ATXN2: variants seen among roughly 807,000 people sequenced by gnomAD.
ATXN2 encodes ataxin 2, also known as ataxin-2.
In ATXN2, 37 loss-of-function variants were observed where a neutral mutation model predicts 138.6. That is an observed-to-expected ratio of 0.27 (90% CI 0.21 to 0.35). The LOEUF (loss-of-function observed/expected upper bound fraction) is 0.35, where lower values mean the gene tolerates loss of function less well. Among genes scored for constraint, ATXN2 ranks in the 10% least tolerant of loss-of-function variants. The pLI is 1.00. For synonymous variants in ATXN2, 549 were observed against 543.7 expected (o/e 1.01, Z -0.13); for missense variants, 1,216 against 1,480.3 (o/e 0.82, Z 2.93).
chr12:111,457,450 GT>G, intron 21 of ATXN2, 91 bp from the exon 22 acceptor site: 1 of 1,413,074 alleles, frequency 7.1e-7, no homozygotes, highest in Non-Finnish European at 9.5e-7. Flanking sequence ...TTTCTTGATG[GT>G]TACAATGCAT....
intron 1 of ATXN2, among the ~76,000 whole-genome samples, chr12:111,586,576 T>C (rs1464569983): frequency 1.3e-5 from 2 of 151,812 alleles, no homozygotes; most frequent in Non-Finnish European, 2.9e-5. Flanking sequence ...TTAGTAGAGA[T>C]GGGGTTTCAC....
At chr12:111,458,643 CCATA>C (rs1282105447) in intron 21 of ATXN2, among the ~76,000 whole-genome samples, 2 of 152,150 alleles carry the variant, frequency 1.3e-5, no homozygotes, top group Non-Finnish European at 2.9e-5. Flanking sequence ...GATAATAAGC[CCATA>C]CACAGAAATG....
At chr12:111,475,487 C>CTTTTTT (rs538338911) in intron 18 of ATXN2, among the ~76,000 whole-genome samples, 2 of 118,630 alleles carry the variant, frequency 1.7e-5, no homozygotes, top group Admixed American at 8.7e-5. Context: ...TTTTCTGTTT[C>CTTTTTT]TTTTTTTTTT....
chr12:111,496,936 T>G (rs1365409721), intron 14 of ATXN2, among the ~76,000 whole-genome samples: 1 of 151,806 alleles, frequency 6.6e-6, no homozygotes, highest in Non-Finnish European at 1.5e-5. Flanking sequence ...AGTAAATTGT[T>G]TTGAAGAGAT....
At chr12:111,461,773 A>T (rs1875601165) in intron 21 of ATXN2, among the ~76,000 whole-genome samples, 1 of 151,990 alleles carries the variant, frequency 6.6e-6, no homozygotes, top group Admixed American at 6.6e-5. Context: ...TACAAAAAAA[A>T]TTAGCTGGGT....
At chr12:111,585,491 C>A (rs1884273526) in intron 1 of ATXN2, among the ~76,000 whole-genome samples, 1 of 138,130 alleles carries the variant, frequency 7.2e-6, no homozygotes, top group Admixed American at 7.5e-5. Context: ...CCAGCCTGGG[C>A]AACAGAACAA....
rs184829337 is a variant in ATXN2, at chr12:111,459,876, C to G, written c.2897-2517G>C. 1.7e-4 allele frequency among the ~76,000 whole-genome samples: 25 copies of G among 151,408 alleles called. 1 individual carries two copies. The highest frequency in any genetic ancestry group is 5.3e-4 in the African/African-American group (22 of 41,212). On this transcript the variant is annotated intron_variant, in intron 21 of 24. Coordinates refer to ENST00000673436, the MANE Select transcript of ATXN2 (RefSeq NM_001372574.1). ...TCAGCCTCTGAGTAGCTGGGATTAC[C>G]TGGCTAATTTTTGTATTTTTAGTAG... is the stretch of plus-strand genomic sequence containing the variant.
chr12:111,582,739 G>A (rs949027554), intron 1 of ATXN2, among the ~76,000 whole-genome samples: 20 of 152,234 alleles, frequency 1.3e-4, no homozygotes, highest in Middle Eastern at 6.8e-3. Context: ...CACCATCTCC[G>A]CTCACTGCAA....
chr12:111,525,159 G>C (rs1335287424), intron 6 of ATXN2, 33 bp downstream of exon 6: 3 of 1,593,206 alleles, frequency 1.9e-6, no homozygotes, highest in Non-Finnish European at 2.6e-6. Flanking sequence ...ATACTGACCA[G>C]AGTCTAGCAA....
rs2135861598 is a variant in ATXN2 at position 111,598,366 on chromosome 12, G to A, written c.251+418C>T. ...ACATGTTCCGGAAAACGCCACCACA[G>A]CCTCCAGACCCCTCCAACGTTCACA... is the stretch of plus-strand genomic sequence containing the variant. On this transcript the variant is annotated intron_variant, in intron 1 of 24. Coordinates refer to ENST00000673436, the MANE Select transcript of ATXN2 (RefSeq NM_001372574.1). The surrounding 1 kb of genome is among the most constrained non-coding windows in gnomAD (Gnocchi z 4.5). 1 of 990,934 alleles carries A rather than the reference G, an allele frequency of 1.0e-6. No individual in the cohort carries two copies. The highest frequency in any genetic ancestry group is 1.2e-6 in the Non-Finnish European group (1 of 833,128). 61.4% of individuals were successfully genotyped at this position (990,934 alleles called of 1,614,324 possible).
chr12:111,493,645 G>A (rs1000758498), intron 14 of ATXN2, among the ~76,000 whole-genome samples: 2 of 129,760 alleles, frequency 1.5e-5, no homozygotes, highest in Admixed American at 1.6e-4. Context: ...TTTTTTTTTT[G>A]TGAGACAGAG....
At chr12:111,526,693 C>A (rs1320666318) in intron 5 of ATXN2, among the ~76,000 whole-genome samples, 2 of 152,206 alleles carry the variant, frequency 1.3e-5, no homozygotes, top group Non-Finnish European at 2.9e-5. Flanking sequence ...GTGTGAGCAA[C>A]CATGCCCGGC....
rs1874713316 is a variant in ATXN2, at chr12:111,452,379, G to T, written c.*433C>A. 6.5e-6 allele frequency: 1 copy of T among 153,162 alleles called. No individual in the cohort carries two copies. Among genetic ancestry groups the T allele is most frequent in the Admixed American group, 6.6e-5 (1 of 15,162 alleles). 9.5% of individuals were successfully genotyped at this position (153,162 alleles called of 1,614,324 possible). A position where few individuals can be genotyped will look rare whatever the true frequency, so the allele number is the denominator to read the frequency against. On this transcript the variant is annotated 3_prime_UTR_variant, in exon 25 of 25. Transcript: ENST00000673436. ...TAATAATCCGTCAGTTTGACGGTAAGAATTTACTGAAACTTTGTCAAGTTT... is the reference window on the plus strand; with the variant it reads ...TAATAATCCGTCAGTTTGACGGTAATAATTTACTGAAACTTTGTCAAGTTT...
At chr12:111,495,150 A>G (rs1307680786) in intron 14 of ATXN2, among the ~76,000 whole-genome samples, 1 of 152,114 alleles carries the variant, frequency 6.6e-6, no homozygotes, top group Admixed American at 6.6e-5. Context: ...TACTGAAAAT[A>G]CAAAAAATTT....
At chr12:111,513,283 G>C in intron 11 of ATXN2, 74 bp downstream of exon 11, 1 of 1,510,754 alleles carries the variant, frequency 6.6e-7, no homozygotes, top group Non-Finnish European at 9.0e-7. Flanking sequence ...CTCAAACAGA[G>C]TTGTAGCTCA....
chr12:111,455,656 T>C, intron 23 of ATXN2: 1 of 333,652 alleles, frequency 3.0e-6, no homozygotes, highest in South Asian at 3.0e-5. Flanking sequence ...AAGGCCATCA[T>C]CCCTGCCTGG....
chr12:111,595,340 T>C (rs1009855239), intron 1 of ATXN2, among the ~76,000 whole-genome samples: 1 of 152,194 alleles, frequency 6.6e-6, no homozygotes, highest in Admixed American at 6.5e-5. Context: ...AACAATAGAA[T>C]GGTTAAGTAA....
chr12:111,513,018 G>A (rs1055271290), intron 11 of ATXN2: 4 of 248,970 alleles, frequency 1.6e-5, no homozygotes, highest in Non-Finnish European at 3.1e-5. Flanking sequence ...CCTCATATTA[G>A]AGAGGTACTT....
At position 111,531,416 on chromosome 12, in the gene ATXN2, G is replaced by A. The variant is rs544849655; in HGVS notation, c.572-6100C>T. Among the ~76,000 whole-genome samples the A allele has an allele frequency of 1.4e-3, 213 of 152,262 alleles. 1 individual carries two copies. Among genetic ancestry groups the A allele is most frequent in the African/African-American group, 4.2e-3 (175 of 41,558 alleles). ...CACTGCACTCCAACCTGGCGAGAGC[G>A]AGACTCCGTCTCAAAAAATAAATAA... On this transcript the variant is annotated intron_variant, in intron 5 of 24. Coordinates refer to ENST00000673436, the MANE Select transcript of ATXN2 (RefSeq NM_001372574.1).
Sources: gnomAD v4.1 joint callset for allele counts (sites outside exome capture counted in the v4.1 genomes callset) on GRCh38, gnomAD v4.1.1 for gene constraint, Gnocchi (gnomAD v3.1) non-coding constraint, MANE v1.5 for transcripts, NCBI Gene and HGNC (gene_info 2026-07-23, HGNC 2026-07-21) for gene names.